THEMIS: variants seen among roughly 807,000 people sequenced by gnomAD.
THEMIS encodes thymocyte selection associated, also known as protein THEMIS.
THEMIS carries 37 observed loss-of-function variants against 52.6 expected under a neutral mutation model. The observed-to-expected ratio is 0.70, with a 90% CI of 0.54 to 0.93. THEMIS has a LOEUF of 0.93. Ranked by LOEUF, THEMIS falls within the 40% of genes least tolerant of loss-of-function variation. The pLI is 0.00. For synonymous variants in THEMIS, 292 were observed against 272.7 expected (o/e 1.07, Z -0.70); for missense variants, 808 against 763.1 (o/e 1.06, Z -0.69).
intron 1 of THEMIS, among the ~76,000 whole-genome samples, chr6:127,870,483 T>G (rs1001828449): frequency 2.0e-5 from 3 of 152,148 alleles, no homozygotes; most frequent in Non-Finnish European, 4.4e-5. Flanking sequence ...AAACAGGAGA[T>G]GTAAGCTTTG....
the THEMIS span, among the ~76,000 whole-genome samples, chr6:127,698,846 A>AC: frequency 6.6e-6 from 1 of 151,848 alleles, no homozygotes. Context: ...GGCTTAAAAA[A>AC]AATCACACCA....
At chr6:127,866,280 G>A (rs1779973425) in intron 1 of THEMIS, among the ~76,000 whole-genome samples, 1 of 151,998 alleles carries the variant, frequency 6.6e-6, no homozygotes, top group East Asian at 1.9e-4. Context: ...TTTATAAAGT[G>A]CACTATTCAG....
intron 1 of THEMIS, among the ~76,000 whole-genome samples, chr6:127,873,819 C>T (rs554029722): frequency 5.3e-5 from 8 of 151,886 alleles, no homozygotes; most frequent in East Asian, 3.9e-4. Flanking sequence ...AATAAGCTAG[C>T]GAAAAGAAAA....
At chr6:127,907,682 G>A in intron 1 of THEMIS, among the ~76,000 whole-genome samples, 1 of 151,980 alleles carries the variant, frequency 6.6e-6, no homozygotes, top group Admixed American at 6.6e-5. Context: ...GGAAATAAGT[G>A]AGCTAATTAC....
chr6:127,827,419 T>C (rs914403310), intron 3 of THEMIS, among the ~76,000 whole-genome samples: 12 of 152,174 alleles, frequency 7.9e-5, no homozygotes, highest in African/African-American at 2.7e-4. Context: ...CCTATGAAAT[T>C]AACGATCCAG....
chr6:127,909,208 G>A (rs1490281379), intron 1 of THEMIS, among the ~76,000 whole-genome samples: 1 of 152,052 alleles, frequency 6.6e-6, no homozygotes, highest in Non-Finnish European at 1.5e-5. Flanking sequence ...GAAACTGTGA[G>A]TTACAAATAA....
upstream of THEMIS, among the ~76,000 whole-genome samples, chr6:127,901,389 A>G (rs910597089): frequency 6.6e-6 from 1 of 152,094 alleles, no homozygotes; most frequent in Non-Finnish European, 1.5e-5. Flanking sequence ...TGAATTCATT[A>G]TCTCTCTAGT....
Position 127,915,608 on chromosome 6 carries a change from GAGA to G in THEMIS, c.-150+2817_-150+2819del, listed in dbSNP as rs778872736. ...AGAAAGAGAGAGAGAGAGAGAGAGA[GAGA>G]GAGAGAGAACTTGAGCTACACATAA... On this transcript the variant is annotated intron_variant, in intron 1 of 6. Coordinates refer to the THEMIS transcript ENST00000368250. 2.3e-3 allele frequency among the ~76,000 whole-genome samples: 342 copies of G among 151,690 alleles called. 2 individuals carry two copies. In the Middle Eastern group the frequency reaches 0.024, roughly 11 times the overall value.
intron 4 of THEMIS, among the ~76,000 whole-genome samples, chr6:127,757,576 G>A (rs889898037): frequency 4.6e-5 from 7 of 151,836 alleles, no homozygotes; most frequent in Admixed American, 1.3e-4. Flanking sequence ...TCTGCCTCCC[G>A]GGTTCACGCC....
chr6:127,816,231 C>G (rs1467641538), intron 3 of THEMIS, among the ~76,000 whole-genome samples: 5 of 152,108 alleles, frequency 3.3e-5, no homozygotes, highest in Non-Finnish European at 7.4e-5. Context: ...CCACCCACCC[C>G]TCACACACAC....
At chr6:127,843,961 A>G (rs1779131820) in intron 2 of THEMIS, among the ~76,000 whole-genome samples, 1 of 152,046 alleles carries the variant, frequency 6.6e-6, no homozygotes, top group Non-Finnish European at 1.5e-5. Flanking sequence ...CTGCAACTCC[A>G]TGAAAGACCC....
At chr6:127,874,802 T>A (rs1199356588) in intron 1 of THEMIS, among the ~76,000 whole-genome samples, 1 of 152,230 alleles carries the variant, frequency 6.6e-6, no homozygotes, top group Non-Finnish European at 1.5e-5. Context: ...TGTAACAATG[T>A]CAATATCCTG....
At chr6:127,766,173 A>G (rs372300079) in intron 4 of THEMIS, among the ~76,000 whole-genome samples, 2 of 152,078 alleles carry the variant, frequency 1.3e-5, no homozygotes, top group African/African-American at 4.8e-5. Context: ...CAAACTCTGA[A>G]TCATCATCAG....
upstream of THEMIS, among the ~76,000 whole-genome samples, chr6:127,905,767 A>G (rs1440904729): frequency 6.6e-6 from 1 of 151,964 alleles, no homozygotes; most frequent in Non-Finnish European, 1.5e-5. Context: ...GATGTTTAAT[A>G]TCAGAGTTAA....
chr6:127,880,877 GT>G (rs1365100858), intron 1 of THEMIS, among the ~76,000 whole-genome samples: 1 of 151,974 alleles, frequency 6.6e-6, no homozygotes, highest in African/African-American at 2.4e-5. Context: ...CATGTAAAAA[GT>G]TTTATTTCCT....
intron 1 of THEMIS, among the ~76,000 whole-genome samples, chr6:127,900,450 C>G (rs1268531827): frequency 2.0e-5 from 3 of 152,058 alleles, no homozygotes; most frequent in African/African-American, 7.2e-5. Flanking sequence ...TTTCTAAACA[C>G]TGTGCCTTTG....
chr6:127,877,396 C>T (rs1340957488), intron 1 of THEMIS, among the ~76,000 whole-genome samples: 2 of 152,166 alleles, frequency 1.3e-5, no homozygotes, highest in Non-Finnish European at 2.9e-5. Context: ...CCTATATTGG[C>T]TTTTGACGTT....
At chr6:127,833,198 C>T (rs1474685923) in intron 2 of THEMIS, among the ~76,000 whole-genome samples, 1 of 151,874 alleles carries the variant, frequency 6.6e-6, no homozygotes, top group African/African-American at 2.4e-5. Context: ...GATTGACCTG[C>T]TAAAAATTAA....
At chr6:127,778,126 T>C (rs1776625334) in intron 4 of THEMIS, among the ~76,000 whole-genome samples, 1 of 152,200 alleles carries the variant, frequency 6.6e-6, no homozygotes, top group Admixed American at 6.5e-5. Context: ...GAAGGAATTT[T>C]TGAGCAAATG....
Sources: allele counts gnomAD v4.1 joint callset (sites outside exome capture counted in the v4.1 genomes callset), GRCh38; gene constraint gnomAD v4.1.1; transcripts MANE v1.5; gene names NCBI Gene and HGNC (gene_info 2026-07-23, HGNC 2026-07-21).